Variants in DNAAF4 observed in about 807,000 individuals in gnomAD.
DNAAF4 encodes dynein assembly factor 4, axonemal.
DNAAF4 carries 43 observed loss-of-function variants against 51.8 expected under a neutral mutation model. The observed-to-expected ratio is 0.83, with a 90% CI of 0.65 to 1.07. The LOEUF (loss-of-function observed/expected upper bound fraction) is 1.07, where lower values mean the gene tolerates loss of function less well. Ranked by LOEUF, DNAAF4 falls within the 50% of genes least tolerant of loss-of-function variation. The pLI, the probability that DNAAF4 is intolerant of heterozygous loss-of-function variation, is 0.00. For synonymous variants in DNAAF4, 194 were observed against 165.6 expected, an observed-to-expected ratio of 1.17 and a Z score of -1.32; for missense variants, 581 against 493.0, an observed-to-expected ratio of 1.18 and a Z score of -1.69.
chr15:55,430,807 T>C, intron 9 of DNAAF4, 28 bp from the exon 10 acceptor site: 1 of 1,514,358 alleles, frequency 6.6e-7, no homozygotes, highest in Non-Finnish European at 9.1e-7. Context: ...TGATGATTAA[T>C]ACAATAAATA....
rs568397132 is a variant in DNAAF4 at position 55,445,367 on chromosome 15, T to C, written c.783+4855A>G. On this transcript the variant is annotated intron_variant, in intron 6 of 9. Coordinates refer to ENST00000321149, the MANE Select transcript of DNAAF4 (RefSeq NM_130810.4). ...GTGCACGGGGTTGGGGGTAAGGTTA[T>C]AGATTAACAGCATCCCATGCAGAAG... Among the ~76,000 whole-genome samples, 14 of 152,310 alleles carry C rather than the reference T, an allele frequency of 9.2e-5. No homozygotes were observed. The East Asian group carries it at 1.4e-3, about 15-fold the overall frequency.
At chr15:55,482,920 A>G (rs775600883) in intron 4 of DNAAF4, among the ~76,000 whole-genome samples, 11 of 152,138 alleles carry the variant, frequency 7.2e-5, no homozygotes, top group Non-Finnish European at 1.2e-4. Context: ...TGCTAAGTGA[A>G]AGAAAGCCTC....
chr15:55,423,645 T>C (rs1489323510), intron 7 of DNAAF4, among the ~76,000 whole-genome samples: 1 of 152,158 alleles, frequency 6.6e-6, no homozygotes, highest in Non-Finnish European at 1.5e-5. Flanking sequence ...TGTTAGTCCT[T>C]AATATGGACT....
chr15:55,435,415 T>C (rs1414268869), intron 7 of DNAAF4, among the ~76,000 whole-genome samples: 1 of 152,102 alleles, frequency 6.6e-6, no homozygotes, highest in Non-Finnish European at 1.5e-5. Context: ...GTTGGGCAAA[T>C]TTCTCCCCCT....
At chr15:55,450,468 A>G (rs1254785440) in intron 5 of DNAAF4, 101 bp from the exon 6 acceptor site, 5 of 1,273,124 alleles carry the variant, frequency 3.9e-6, no homozygotes, top group Non-Finnish European at 5.4e-6. Flanking sequence ...CCCAAATCCT[A>G]AACAAATAAA....
intron 3 of DNAAF4, among the ~76,000 whole-genome samples, chr15:55,495,708 C>T (rs1400549991): frequency 1.3e-5 from 2 of 151,870 alleles, no homozygotes; most frequent in Non-Finnish European, 2.9e-5. Flanking sequence ...CGCACTCCAG[C>T]GTTGGTGATA....
chr15:55,470,391 G>C (rs2058236748), intron 4 of DNAAF4, among the ~76,000 whole-genome samples: 1 of 152,146 alleles, frequency 6.6e-6, no homozygotes, highest in African/African-American at 2.4e-5. Context: ...AAATCAGGAA[G>C]AGGCAAATGA....
chr15:55,423,181 T>TA (rs747656130), intron 7 of DNAAF4, among the ~76,000 whole-genome samples: 1 of 150,870 alleles, frequency 6.6e-6, no homozygotes, highest in African/African-American at 2.4e-5. Context: ...TTTTTTTTTT[T>TA]AAGATATGAT....
At chr15:55,486,659 C>G (rs1213612723) in intron 4 of DNAAF4, among the ~76,000 whole-genome samples, 3 of 151,992 alleles carry the variant, frequency 2.0e-5, no homozygotes, top group African/African-American at 7.2e-5. Context: ...TGGCATACAC[C>G]TATAGTCCTA....
At chr15:55,466,415 C>A (rs986924977) in intron 5 of DNAAF4, among the ~76,000 whole-genome samples, 2 of 151,850 alleles carry the variant, frequency 1.3e-5, no homozygotes, top group South Asian at 4.1e-4. Flanking sequence ...TAGGGCCAGA[C>A]CTTGTCTCAA....
At chr15:55,481,552 A>G (rs1238985623) in intron 4 of DNAAF4, among the ~76,000 whole-genome samples, 1 of 152,252 alleles carries the variant, frequency 6.6e-6, no homozygotes, top group East Asian at 1.9e-4. Context: ...TGACGATGCC[A>G]GCCCTAGCCT....
chr15:55,435,177 T>A, intron 7 of DNAAF4, 119 bp from the exon 8 acceptor site: 1 of 1,087,314 alleles, frequency 9.2e-7, no homozygotes, highest in Non-Finnish European at 1.3e-6. Context: ...CTCTTTAGGG[T>A]AAACGTTGCC....
intron 4 of DNAAF4, among the ~76,000 whole-genome samples, chr15:55,476,558 G>C (rs902165100): frequency 1.3e-5 from 2 of 152,112 alleles, no homozygotes; most frequent in Non-Finnish European, 2.9e-5. Context: ...AAGCGTAAAA[G>C]ACAATACAAA....
In DNAAF4 at chr15:55,430,762, C is replaced by T; in HGVS notation, c.1171G>A (p.Ala391Thr). 5 of 1,612,868 alleles carry T rather than the reference C, an allele frequency of 3.1e-6. No homozygotes were observed. Among genetic ancestry groups the T allele is most frequent in the Non-Finnish European group, 4.2e-6 (5 of 1,179,276 alleles). ...LYVEGLQDYE[A>T]ALKIDPSNKI... ...TTGGATGGATCAATCTTAAGTGCCGCTTCATAATCCTGTAGGCCTGTGTTT... is the reference window on the plus strand; with the variant it reads ...TTGGATGGATCAATCTTAAGTGCCGTTTCATAATCCTGTAGGCCTGTGTTT... Residue 391 changes from alanine (A) to threonine (T), a missense_variant, in exon 10 of 10, where the codon GCG becomes ACG. Ala to Thr is a moderately conservative substitution (Grantham distance 58). Transcript: ENST00000321149.
chr15:55,464,727 C>T (rs1046512406), intron 5 of DNAAF4, among the ~76,000 whole-genome samples: 3 of 152,096 alleles, frequency 2.0e-5, no homozygotes, highest in Non-Finnish European at 4.4e-5. Context: ...CATCACTTTT[C>T]GAGGCTGAGG....
In DNAAF4 at chr15:55,441,503, T is replaced by C. The variant is rs540882390; in HGVS notation, c.784-1922A>G. On this transcript the variant is annotated intron_variant, in intron 6 of 9. Coordinates refer to ENST00000321149, the MANE Select transcript of DNAAF4 (RefSeq NM_130810.4). The stretch of plus-strand genomic sequence containing the variant: ...TATGTATACATGTGCCATGTTGGTG[T>C]GCTGCACCCATTAACTCGTCATTTA... Among the ~76,000 whole-genome samples the C allele has an allele frequency of 2.0e-5, 3 of 152,298 alleles. No homozygotes were observed. In the East Asian group the frequency reaches 5.8e-4, roughly 29 times the overall value.
intron 7 of DNAAF4, among the ~76,000 whole-genome samples, chr15:55,419,333 C>G (rs8027611): frequency 0.021 from 3,191 of 152,206 alleles, 98 homozygotes; most frequent in African/African-American, 0.07. Context: ...CAAACTATCC[C>G]CCACCTCAGC....
At chr15:55,472,446 C>T (rs1357347578) in intron 4 of DNAAF4, among the ~76,000 whole-genome samples, 1 of 151,810 alleles carries the variant, frequency 6.6e-6, no homozygotes, top group East Asian at 1.9e-4. Flanking sequence ...GGTGAAACCC[C>T]ATCTATACTA....
chr15:55,445,146 A>G (rs1428860633), intron 6 of DNAAF4, among the ~76,000 whole-genome samples: 1 of 150,874 alleles, frequency 6.6e-6, no homozygotes, highest in Admixed American at 6.7e-5. Context: ...AGATAAACAC[A>G]TGAACAAAGG....
Sources: gnomAD v4.1 joint callset for allele counts (sites outside exome capture counted in the v4.1 genomes callset) on GRCh38, gnomAD v4.1.1 for gene constraint, MANE v1.5 for transcripts, NCBI Gene and HGNC (gene_info 2026-07-23, HGNC 2026-07-21) for gene names.